RIF1: variants seen among roughly 807,000 people sequenced by gnomAD.
RIF1 encodes telomere-associated protein RIF1.
Under a neutral mutation model 247.1 loss-of-function variants are expected in RIF1, and 45 were observed. The ratio of observed to expected loss-of-function variants is 0.18; its 90% CI spans 0.14 to 0.23. The LOEUF (loss-of-function observed/expected upper bound fraction) is 0.23. Ranked by LOEUF, RIF1 falls within the 10% of genes least tolerant of loss-of-function variation. The pLI, the probability that RIF1 is intolerant of heterozygous loss-of-function variation, is 1.00. For synonymous variants in RIF1, 1,087 were observed against 978.8 expected, an observed-to-expected ratio of 1.11 and a Z score of -2.06; for missense variants, 2,967 against 2,862.5, an observed-to-expected ratio of 1.04 and a Z score of -0.83.
At chr2:151,424,993 T>C (rs1460955885) in intron 8 of RIF1, among the ~76,000 whole-genome samples, 1 of 152,064 alleles carries the variant, frequency 6.6e-6, no homozygotes, top group Non-Finnish European at 1.5e-5. Flanking sequence ...CAAACTCTTC[T>C]GTAGCAGCTG....
At position 151,414,758 on chromosome 2, in the gene RIF1, TCTG is replaced by T. The variant is rs771045045; in HGVS notation, c.184-62_184-60del. 1.4e-3 allele frequency: 1,559 copies of T among 1,122,806 alleles called. 3 individuals carry two copies. The highest frequency in any genetic ancestry group is 1.3e-3 in the Non-Finnish European group (943 of 754,118). 69.6% of individuals were successfully genotyped at this position (1,122,806 alleles called of 1,614,324 possible). On this transcript the variant is annotated intron_variant, in intron 3 of 35. Transcript: ENST00000444746. ...GAATATGCTTGTTCTGTAATCAACT[TCTG>T]CTTTCTAAAAATTGATTTACAGTTG...
rs76591052 is a variant in RIF1 at position 151,502,895 on chromosome 2, A to G, written c.*710-139A>G. ...TTTCTTTGTACAAAACCTGTGAGAT[A>G]CAAGAAAGTACCCAGAGGACATTTA... On this transcript the variant is annotated intron_variant and NMD_transcript_variant, in intron 11 of 13. Transcript: ENST00000454583. The G allele has an allele frequency of 1.3e-6, 2 of 1,487,970 alleles. No individual in the cohort carries two copies. Among genetic ancestry groups the G allele is most frequent in the African/African-American group, 1.4e-5 (1 of 71,878 alleles). 92.2% of individuals were successfully genotyped at this position (1,487,970 alleles called of 1,614,324 possible). A position where few individuals can be genotyped will look rare whatever the true frequency, so the allele number is the denominator to read the frequency against.
intron 10 of RIF1, among the ~76,000 whole-genome samples, chr2:151,433,693 G>C (rs1320787128): frequency 6.6e-6 from 1 of 151,990 alleles, no homozygotes; most frequent in Non-Finnish European, 1.5e-5. Context: ...GGCCTCAAAT[G>C]ATTCGCCCAT....
chr2:151,409,917 C>G lies in RIF1; in HGVS notation c.-127C>G, dbSNP rs1301970360. Reference sequence around the variant, plus strand: ...GGGCCCGCCCAGCCGCCATCTTGGTCTAGGAGGGAGCGCGCCGCACGCGTG... The same window carrying G: ...GGGCCCGCCCAGCCGCCATCTTGGTGTAGGAGGGAGCGCGCCGCACGCGTG... On this transcript the variant is annotated 5_prime_UTR_variant, in exon 1 of 36. Transcript: ENST00000444746. 2 of 699,878 alleles carry G rather than the reference C, an allele frequency of 2.9e-6. No individual in the cohort carries two copies. Among genetic ancestry groups the G allele is most frequent in the South Asian group, 3.0e-5 (2 of 66,742 alleles). The allele number at this position is 699,878 out of a possible 1,614,324, so 43.4% of individuals were successfully genotyped here. A position where few individuals can be genotyped will look rare whatever the true frequency, so the allele number is the denominator to read the frequency against.
chr2:151,513,576 T>A, the RIF1 span: 3 of 1,596,442 alleles, frequency 1.9e-6, no homozygotes, highest in South Asian at 3.4e-5. Flanking sequence ...ATAGTAGCAC[T>A]GACCTGACTG....
chr2:151,434,437 A>ATTTTTTTTTTT (rs754795986), intron 10 of RIF1, among the ~76,000 whole-genome samples: 10 of 107,026 alleles, frequency 9.3e-5, no homozygotes, highest in East Asian at 2.9e-4. Flanking sequence ...TGGTTTTTGA[A>ATTTTTTTTTTT]TTTTTTTTTT....
Position 151,455,038 on chromosome 2 carries a change from A to G in RIF1, c.2488A>G (p.Ile830Val), listed in dbSNP as rs1194630934. The stretch of plus-strand genomic sequence containing the variant: ...AGCACATTCTGATACCCTCTTCACT[A>G]TTGGCAACTCAATCACCGGCATTAT... ...KEAHSDTLFTIGNSITGIISS... is the reference protein window; with the variant it reads ...KEAHSDTLFTVGNSITGIISS... The change falls in exon 22 of 36, where the codon ATT (isoleucine) becomes GTT (valine). Residue 830 changes from isoleucine to valine, a missense_variant. This residue lies in a region of RIF1 where 2,028 missense variants were observed against 1,825.6 expected (regional missense o/e 1.11). Transcript: ENST00000444746. The G allele has an allele frequency of 1.2e-6, 2 of 1,613,904 alleles. No individual in the cohort carries two copies. The highest frequency in any genetic ancestry group is 1.1e-5 in the South Asian group (1 of 91,074).
chr2:151,473,911 C>A, intron 34 of RIF1, 53 bp from the exon 35 acceptor site: 2 of 905,122 alleles, frequency 2.2e-6, no homozygotes, highest in South Asian at 2.7e-5. Context: ...AGTAAAGTTT[C>A]AATTTGTTGT....
At chr2:151,455,860 A>G (rs1695106946) in intron 22 of RIF1, among the ~76,000 whole-genome samples, 2 of 152,164 alleles carry the variant, frequency 1.3e-5, no homozygotes, top group Admixed American at 6.6e-5. Flanking sequence ...AAAAATGTCT[A>G]CATGTGATTC....
downstream of RIF1, chr2:151,485,908 T>TAGTC (rs2152620357): frequency 6.2e-7 from 1 of 1,613,906 alleles, no homozygotes; most frequent in Non-Finnish European, 8.5e-7. Flanking sequence ...AGCAGCCATA[T>TAGTC]AGTCATACAT....
chr2:151,488,450 C>A (rs1427017219), intron 9 of RIF1, among the ~76,000 whole-genome samples: 2 of 146,574 alleles, frequency 1.4e-5, no homozygotes. Context: ...GGTTTGAGAC[C>A]AGCCTGGGCA....
At chr2:151,456,734 CT>C in intron 23 of RIF1, 114 bp downstream of exon 23, 1 of 607,320 alleles carries the variant, frequency 1.6e-6, no homozygotes, top group Non-Finnish European at 2.7e-6. Context: ...TTCCTTCTTT[CT>C]TTCTTTTTTT....
the RIF1 span, chr2:151,533,470 G>T: frequency 1.3e-6 from 2 of 1,551,270 alleles, no homozygotes; most frequent in Non-Finnish European, 8.7e-7. Context: ...ATTGTAGAGA[G>T]CAGTCAACAT....
intron 8 of RIF1, among the ~76,000 whole-genome samples, chr2:151,426,044 A>G (rs1016092004): frequency 1.3e-5 from 2 of 150,740 alleles, no homozygotes; most frequent in Admixed American, 6.6e-5. Context: ...TCAGTATTCT[A>G]TTCTTGTGGT....
At chr2:151,489,926 C>T (rs369420017) in intron 9 of RIF1, 21 of 1,448,014 alleles carry the variant, frequency 1.5e-5, no homozygotes, top group Middle Eastern at 1.7e-4. Context: ...TTGCACATAT[C>T]AAAAATTAAG....
intron 11 of RIF1, 124 bp downstream of exon 11, chr2:151,435,704 G>GA (rs1691046406): frequency 7.0e-6 from 4 of 575,104 alleles, no homozygotes; most frequent in Admixed American, 2.5e-5. Context: ...CGTTTGAAAT[G>GA]AAGCACTTCA....
At chr2:151,424,965 A>T (rs1688787468) in intron 8 of RIF1, among the ~76,000 whole-genome samples, 1 of 149,634 alleles carries the variant, frequency 6.7e-6, no homozygotes, top group Non-Finnish European at 1.5e-5. Flanking sequence ...GGCATGAGCC[A>T]CTTGAACCAG....
At position 151,474,922 on chromosome 2, in the gene RIF1, C is replaced by T. The variant is rs775132686; in HGVS notation, c.7270C>T (p.Leu2424Phe). The change falls in exon 36 of 36, where the codon CTT (leucine) becomes TTT (phenylalanine). Residue 2424 changes from leucine (L) to phenylalanine (F), a missense_variant. Transcript: ENST00000444746. ...SKNLLAQISA[L>F]ALQLDSEDLH... ...AAACCTTCTGGCACAGATTAGTGCT[C>T]TTGCTCTTCAGCTGGATTCAGAAGA... The T allele has an allele frequency of 6.2e-7, 1 of 1,609,150 alleles. No homozygotes were observed. The highest frequency in any genetic ancestry group is 8.5e-7 in the Non-Finnish European group (1 of 1,175,714).
chr2:151,468,339 T>A, intron 31 of RIF1, 135 bp from the exon 32 acceptor site: 1 of 827,916 alleles, frequency 1.2e-6, no homozygotes, highest in Non-Finnish European at 1.9e-6. Context: ...CAGCAAGTAA[T>A]TGATTAGGTA....
Sources: gnomAD v4.1 joint callset for allele counts (sites outside exome capture counted in the v4.1 genomes callset) on GRCh38, gnomAD v4.1.1 for gene constraint, gnomAD v4.1.1 regional missense constraint, MANE v1.5 for transcripts, NCBI Gene and HGNC (gene_info 2026-07-23, HGNC 2026-07-21) for gene names.